CDIN1: variants seen among roughly 807,000 people sequenced by gnomAD.
The protein encoded by CDIN1 is CDAN1 interacting nuclease 1.
Under a neutral mutation model 45.3 loss-of-function variants are expected in CDIN1, and 33 were observed. The observed-to-expected ratio is 0.73, with a 90% CI of 0.55 to 0.97. CDIN1 has a LOEUF of 0.97. Among genes scored for constraint, CDIN1 ranks in the 50% least tolerant of loss-of-function variants. The pLI, the probability that CDIN1 is intolerant of heterozygous loss-of-function variation, is 0.00. For missense variants in CDIN1, 303 were observed against 339.4 expected, an observed-to-expected ratio of 0.89 and a Z score of 0.84; for synonymous variants, 118 against 124.4, an observed-to-expected ratio of 0.95 and a Z score of 0.34.
chr15:36,633,731 C>T (rs1275243288), intron 1 of CDIN1, among the ~76,000 whole-genome samples: 1 of 151,466 alleles, frequency 6.6e-6, no homozygotes, highest in Admixed American at 6.6e-5. Context: ...ATTTTATTTA[C>T]ACTATCATTC....
chr15:36,636,513 C>T (rs2039903495), intron 1 of CDIN1, among the ~76,000 whole-genome samples: 1 of 152,090 alleles, frequency 6.6e-6, no homozygotes, highest in Non-Finnish European at 1.5e-5. Flanking sequence ...GATGGTGCCA[C>T]TGTGCTCCAG....
intron 1 of CDIN1, among the ~76,000 whole-genome samples, chr15:36,603,291 C>G (rs905074215): frequency 6.6e-6 from 1 of 152,166 alleles, no homozygotes; most frequent in Non-Finnish European, 1.5e-5. Flanking sequence ...ACCCGTCTCT[C>G]TGGTGGTTGT....
At chr15:36,625,058 A>G (rs1231622876) in intron 1 of CDIN1, among the ~76,000 whole-genome samples, 1 of 152,002 alleles carries the variant, frequency 6.6e-6, no homozygotes, top group Non-Finnish European at 1.5e-5. Flanking sequence ...CAGGCGGATC[A>G]CAAGGTTAGG....
intron 10 of CDIN1, among the ~76,000 whole-genome samples, chr15:36,771,015 G>A (rs1201859902): frequency 6.6e-6 from 1 of 152,154 alleles, no homozygotes; most frequent in Non-Finnish European, 1.5e-5. Context: ...CAAAATACTG[G>A]TGCTTAAGAC....
chr15:36,614,760 A>G (rs2038807527), intron 1 of CDIN1, among the ~76,000 whole-genome samples: 1 of 152,240 alleles, frequency 6.6e-6, no homozygotes, highest in African/African-American at 2.4e-5. Context: ...GGAGTTAGCC[A>G]AACAACAACA....
intron 7 of CDIN1, among the ~76,000 whole-genome samples, chr15:36,692,968 A>T (rs1239699659): frequency 6.6e-6 from 1 of 152,190 alleles, no homozygotes; most frequent in Non-Finnish European, 1.5e-5. Flanking sequence ...AATAATTTCT[A>T]TCCGAGTCCA....
At chr15:36,587,594 G>A (rs535625579) in intron 1 of CDIN1, among the ~76,000 whole-genome samples, 3 of 152,088 alleles carry the variant, frequency 2.0e-5, no homozygotes, top group East Asian at 3.9e-4. Flanking sequence ...TGGTTTACTT[G>A]GTGCTGCCAT....
intron 10 of CDIN1, among the ~76,000 whole-genome samples, chr15:36,778,422 G>T (rs1333739477): frequency 6.6e-6 from 1 of 152,162 alleles, no homozygotes; most frequent in Non-Finnish European, 1.5e-5. Context: ...TTTTTCTTCT[G>T]TTTTGCCTTT....
chr15:36,660,527 A>G (rs756648150), intron 5 of CDIN1, among the ~76,000 whole-genome samples: 2 of 152,164 alleles, frequency 1.3e-5, no homozygotes, highest in Non-Finnish European at 2.9e-5. Context: ...TTTTGATAAC[A>G]TATACTTTAG....
chr15:36,752,870 A>G (rs2053512269), intron 10 of CDIN1, among the ~76,000 whole-genome samples: 2 of 152,150 alleles, frequency 1.3e-5, no homozygotes, highest in South Asian at 4.1e-4. Context: ...AGTCCCTGTA[A>G]CTTGTCACTA....
intron 10 of CDIN1, among the ~76,000 whole-genome samples, chr15:36,731,008 GTGTC>G: frequency 6.6e-6 from 1 of 152,160 alleles, no homozygotes; most frequent in Admixed American, 6.5e-5. Flanking sequence ...TGTAATGTAA[GTGTC>G]TGAGTTTTTG....
At position 36,810,146 on chromosome 15, in the gene CDIN1, T is replaced by C. The variant is rs552412756; in HGVS notation, c.*1693T>C. 14 of 152,324 alleles carry C rather than the reference T, an allele frequency of 9.2e-5. No individual in the cohort carries two copies. The highest frequency in any genetic ancestry group is 3.4e-4 in the African/African-American group (14 of 41,572). 9.4% of individuals were successfully genotyped at this position (152,324 alleles called of 1,614,324 possible). On this transcript the variant is annotated 3_prime_UTR_variant, in exon 11 of 11. Transcript: ENST00000566621. ...AATAAATTACATTTATCTGCACAGA[T>C]GTTGAAAATCCTGTTAAACCCTTGT...
At chr15:36,764,214 GTTTTTTT>G (rs11297312) in intron 10 of CDIN1, among the ~76,000 whole-genome samples, 14,684 of 116,516 alleles carry the variant, frequency 0.13, 866 homozygotes, top group Non-Finnish European at 0.17. Flanking sequence ...TGTGGTTTTG[GTTTTTTT>G]TTTTTTTTTT....
chr15:36,628,022 A>AT (rs539199811), intron 1 of CDIN1, among the ~76,000 whole-genome samples: 2 of 150,406 alleles, frequency 1.3e-5, no homozygotes, highest in East Asian at 2.0e-4. Context: ...AACATTGTAA[A>AT]TTTTTTTTTC....
At chr15:36,626,820 G>T in intron 1 of CDIN1, 1 of 267,304 alleles carries the variant, frequency 3.7e-6, no homozygotes, top group Admixed American at 4.8e-5. Flanking sequence ...GTGGGGGTTG[G>T]GGAGGGTATT....
At chr15:36,665,061 T>C (rs765269818) in intron 5 of CDIN1, among the ~76,000 whole-genome samples, 21 of 152,334 alleles carry the variant, frequency 1.4e-4, no homozygotes, top group Non-Finnish European at 2.1e-4. Context: ...GATGAAATTC[T>C]AGGAGTAGGA....
intron 5 of CDIN1, among the ~76,000 whole-genome samples, chr15:36,659,717 T>C (rs998906270): frequency 6.6e-6 from 1 of 151,256 alleles, no homozygotes; most frequent in African/African-American, 2.4e-5. Context: ...CCATTTTAAC[T>C]CCCTATTTGC....
chr15:36,774,000 C>A (rs985382099), intron 10 of CDIN1, among the ~76,000 whole-genome samples: 1 of 152,148 alleles, frequency 6.6e-6, no homozygotes, highest in Non-Finnish European at 1.5e-5. Flanking sequence ...AGTTGAACTG[C>A]GAAGAGATTT....
intron 1 of CDIN1, among the ~76,000 whole-genome samples, chr15:36,593,856 G>A (rs968948057): frequency 5.3e-5 from 8 of 152,108 alleles, no homozygotes; most frequent in Non-Finnish European, 7.3e-5. Flanking sequence ...GAGCCACCGC[G>A]CCTGGCTGAA....
Sources: gnomAD v4.1 joint callset for allele counts (sites outside exome capture counted in the v4.1 genomes callset) on GRCh38, gnomAD v4.1.1 for gene constraint, MANE v1.5 for transcripts, NCBI Gene and HGNC (gene_info 2026-07-23, HGNC 2026-07-21) for gene names.